Variants in MGAT5 observed in about 807,000 individuals in gnomAD.
MGAT5 encodes alpha-1,6-mannosylglycoprotein 6-beta-N-acetylglucosaminyltransferase A.
Under a neutral mutation model 94.3 loss-of-function variants are expected in MGAT5, and 30 were observed. That is an observed-to-expected ratio of 0.32 (90% CI 0.24 to 0.43). The LOEUF (loss-of-function observed/expected upper bound fraction) is 0.43, where lower values mean the gene tolerates loss of function less well. Among genes scored for constraint, MGAT5 ranks in the 20% least tolerant of loss-of-function variants. The pLI is 1.00. For synonymous variants in MGAT5, 310 were observed against 322.9 expected, an observed-to-expected ratio of 0.96 and a Z score of 0.43; for missense variants, 691 against 905.5, an observed-to-expected ratio of 0.76 and a Z score of 3.04.
At chr2:134,242,366 G>A (rs572313934) in intron 1 of MGAT5, among the ~76,000 whole-genome samples, 1 of 152,318 alleles carries the variant, frequency 6.6e-6, no homozygotes, top group South Asian at 2.1e-4. Flanking sequence ...CTAGTTCACA[G>A]TGATTAAACT....
At chr2:134,265,356 G>A (rs77898401) in intron 1 of MGAT5, among the ~76,000 whole-genome samples, 1 of 152,262 alleles carries the variant, frequency 6.6e-6, no homozygotes, top group African/African-American at 2.4e-5. Context: ...AGTGTGACTT[G>A]CAGTTATAGC....
At chr2:134,158,428 A>C (rs1687579327) in intron 1 of MGAT5, among the ~76,000 whole-genome samples, 1 of 152,202 alleles carries the variant, frequency 6.6e-6, no homozygotes, top group Admixed American at 6.5e-5. Context: ...AAGTGTGCTT[A>C]TACGTGGCCA....
At chr2:134,178,150 C>T (rs1688567186) in intron 1 of MGAT5, among the ~76,000 whole-genome samples, 1 of 151,538 alleles carries the variant, frequency 6.6e-6, no homozygotes, top group African/African-American at 2.4e-5. Flanking sequence ...AGATTCTAGG[C>T]AGGAAACTTT....
In MGAT5 at chr2:134,216,209, C is replaced by T. The variant is rs76773392; in HGVS notation, c.-142-38053C>T. Among the ~76,000 whole-genome samples the T allele has an allele frequency of 3.9e-3, 588 of 152,194 alleles. 10 individuals carry two copies. The East Asian group carries it at 0.051, about 13-fold the overall frequency. ...AATAAGGAACCAAGTCCAAATGAGGCGAGCTTAATTTGAGCTAGCAGAATT... is the reference window on the plus strand; with the variant it reads ...AATAAGGAACCAAGTCCAAATGAGGTGAGCTTAATTTGAGCTAGCAGAATT... On this transcript the variant is annotated intron_variant, in intron 1 of 16. Transcript: ENST00000409645.
At chr2:134,308,206 T>C (rs542578543) in intron 2 of MGAT5, among the ~76,000 whole-genome samples, 1 of 152,330 alleles carries the variant, frequency 6.6e-6, no homozygotes, top group South Asian at 2.1e-4. Flanking sequence ...AGTGTACTCA[T>C]CTTTCCTTTT....
chr2:134,272,203 T>A lies in MGAT5; in HGVS notation c.406+1653T>A, dbSNP rs542240128. On this transcript the variant is annotated intron_variant, in intron 2 of 15. Coordinates refer to ENST00000281923, the MANE Select transcript of MGAT5 (RefSeq NM_002410.5). ...AAGGAAATGGGAAGGACTTGGTGAC[T>A]ACTTTCAAACGAAGTCTGGAAATAT... Among the ~76,000 whole-genome samples, 6 of 152,340 alleles carry A rather than the reference T, an allele frequency of 3.9e-5. No individual in the cohort carries two copies. In the South Asian group the frequency reaches 1.2e-3, roughly 32 times the overall value.
chr2:134,292,754 C>A (rs973916785), intron 2 of MGAT5, among the ~76,000 whole-genome samples: 1 of 152,122 alleles, frequency 6.6e-6, no homozygotes, highest in East Asian at 1.9e-4. Flanking sequence ...GTTAACACTC[C>A]GAGCAAGGGG....
chr2:134,140,296 C>T (rs754639164), intron 1 of MGAT5, among the ~76,000 whole-genome samples: 3 of 152,170 alleles, frequency 2.0e-5, no homozygotes, highest in East Asian at 1.9e-4. Context: ...GAGCTGTGGC[C>T]GTTCCACCGT....
At chr2:134,447,462 A>G (rs1685853235) in intron 15 of MGAT5, among the ~76,000 whole-genome samples, 1 of 152,162 alleles carries the variant, frequency 6.6e-6, no homozygotes, top group Non-Finnish European at 1.5e-5. Context: ...TGCAGTAAAG[A>G]ATCATTTATC....
intron 2 of MGAT5, among the ~76,000 whole-genome samples, chr2:134,293,630 G>A (rs1363648934): frequency 1.3e-5 from 2 of 152,014 alleles, no homozygotes; most frequent in Admixed American, 6.6e-5. Flanking sequence ...CACCATGCCT[G>A]GCTAATTTTT....
intron 1 of MGAT5, among the ~76,000 whole-genome samples, chr2:134,202,060 G>T (rs1679816609): frequency 6.6e-6 from 1 of 151,532 alleles, no homozygotes; most frequent in Non-Finnish European, 1.5e-5. Flanking sequence ...CCCACCCCAA[G>T]AACTTGGACT....
chr2:134,384,879 A>C lies in MGAT5; in HGVS notation c.1381-18109A>C, dbSNP rs534796687. Among the ~76,000 whole-genome samples, 3 of 152,338 alleles carry C rather than the reference A, an allele frequency of 2.0e-5. No individual in the cohort carries two copies. In the South Asian group the frequency reaches 6.2e-4, roughly 32 times the overall value. Reference sequence around the variant, plus strand: ...ATAGTAAATATACAACTTTACCTTTAAAAAGGTCAAATTAGCATGCTGGGG... The same window carrying C: ...ATAGTAAATATACAACTTTACCTTTCAAAAGGTCAAATTAGCATGCTGGGG... On this transcript the variant is annotated intron_variant, in intron 10 of 15. Transcript: ENST00000281923.
chr2:134,429,564 G>T (rs1369814418), intron 14 of MGAT5, among the ~76,000 whole-genome samples: 2 of 152,226 alleles, frequency 1.3e-5, no homozygotes, highest in South Asian at 4.1e-4. Context: ...TAGGGCTGAT[G>T]TGAGGATTTA....
intron 15 of MGAT5, among the ~76,000 whole-genome samples, chr2:134,443,105 G>A (rs569425581): frequency 1.6e-4 from 25 of 152,124 alleles, no homozygotes; most frequent in Non-Finnish European, 2.8e-4. Context: ...AAAACCCTTC[G>A]TAGGGAGAGT....
At chr2:134,383,247 A>C (rs1314404132) in intron 10 of MGAT5, among the ~76,000 whole-genome samples, 1 of 152,192 alleles carries the variant, frequency 6.6e-6, no homozygotes, top group East Asian at 1.9e-4. Flanking sequence ...CTATTAGTTC[A>C]TCACCTATTT....
chr2:134,166,462 T>C (rs1687968693), intron 1 of MGAT5, among the ~76,000 whole-genome samples: 1 of 152,262 alleles, frequency 6.6e-6, no homozygotes, highest in East Asian at 1.9e-4. Flanking sequence ...CTGGAGCCAA[T>C]TCCATTGTTT....
intron 10 of MGAT5, among the ~76,000 whole-genome samples, chr2:134,394,688 G>C (rs1006672245): frequency 1.4e-4 from 22 of 152,122 alleles, no homozygotes; most frequent in Admixed American, 1.4e-3. Flanking sequence ...CCTGGCCTTT[G>C]GGGCCTCAGT....
Position 134,332,108 on chromosome 2 carries a change from A to G in MGAT5, c.574-4109A>G, listed in dbSNP as rs375079251. ...ATTACTTTAAAGTTCATATGGAACC[A>G]AAAAAGAGCCTGCATCACCAAGTCA... On this transcript the variant is annotated intron_variant, in intron 4 of 15. Transcript: ENST00000281923. 8.6e-3 allele frequency among the ~76,000 whole-genome samples: 1,308 copies of G among 152,250 alleles called. 17 individuals carry two copies. The highest frequency in any genetic ancestry group is 0.03 in the African/African-American group (1,239 of 41,546).
At chr2:134,369,283 C>A (rs1206003878) in intron 10 of MGAT5, among the ~76,000 whole-genome samples, 4 of 152,166 alleles carry the variant, frequency 2.6e-5, no homozygotes, top group African/African-American at 9.7e-5. Flanking sequence ...AAGAGGGAGT[C>A]TGGTAGAAAA....
Sources: gnomAD v4.1 joint callset for allele counts (sites outside exome capture counted in the v4.1 genomes callset) on GRCh38, gnomAD v4.1.1 for gene constraint, MANE v1.5 for transcripts, NCBI Gene and HGNC (gene_info 2026-07-23, HGNC 2026-07-21) for gene names.